OTUB1: variants seen among roughly 807,000 people sequenced by gnomAD.
The protein encoded by OTUB1 is OTU deubiquitinase, ubiquitin aldehyde binding 1.
OTUB1 carries 10 observed loss-of-function variants against 35.8 expected under a neutral mutation model. The observed-to-expected ratio is 0.28, with a 90% CI of 0.17 to 0.47. OTUB1 has a LOEUF of 0.47. Among genes scored for constraint, OTUB1 ranks in the 20% least tolerant of loss-of-function variants. The probability of loss-of-function intolerance (pLI) is 0.99; values close to 1 mark genes in which losing one functional copy is unlikely to be tolerated. For synonymous variants in OTUB1, 158 were observed against 143.8 expected (o/e 1.10, Z -0.71); for missense variants, 264 against 351.6 (o/e 0.75, Z 1.99).
intron 3 of OTUB1, 181 bp downstream of exon 3, chr11:63,988,933 G>C: frequency 1.8e-6 from 1 of 560,844 alleles, no homozygotes; most frequent in Non-Finnish European, 3.2e-6. Context: ...TTCAATGCTT[G>C]AACCTGGGAG....
intron 3 of OTUB1, among the ~76,000 whole-genome samples, chr11:63,992,085 C>T (rs775826821): frequency 3.3e-5 from 5 of 152,000 alleles, no homozygotes; most frequent in Non-Finnish European, 7.4e-5. Context: ...GGTGTGGTGG[C>T]GCATCCCTGT....
chr11:63,995,485 C>T (rs1021448151), intron 3 of OTUB1, among the ~76,000 whole-genome samples: 2 of 152,102 alleles, frequency 1.3e-5, no homozygotes, highest in Non-Finnish European at 2.9e-5. Flanking sequence ...CGTGAGCCAT[C>T]GCGCCCAGCC....
chr11:63,991,026 G>A (rs566143227), intron 3 of OTUB1, among the ~76,000 whole-genome samples: 1 of 152,196 alleles, frequency 6.6e-6, no homozygotes, highest in Admixed American at 6.5e-5. Flanking sequence ...TGTGCACTGT[G>A]ATCTACTGAG....
At chr11:63,986,552 G>C (rs748482329) in intron 1 of OTUB1, 38 bp downstream of exon 1, 21 of 1,513,454 alleles carry the variant, frequency 1.4e-5, no homozygotes, top group Non-Finnish European at 1.9e-5. Flanking sequence ...CCGGGCTAGT[G>C]GGGGCGATGC....
At position 63,997,107 on chromosome 11, in the gene OTUB1, T is replaced by G. The variant is rs1398390824; in HGVS notation, c.481T>G (p.Ser161Ala). 1.9e-6 allele frequency: 3 copies of G among 1,614,088 alleles called. No homozygotes were observed. Among genetic ancestry groups the G allele is most frequent in the Non-Finnish European group, 1.7e-6 (2 of 1,180,046 alleles). The change falls in exon 6 of 7, where the codon TCC (serine) becomes GCC (alanine). Residue 161 changes from serine (S) to alanine (A), a missense_variant. Transcript: ENST00000538426. Reference sequence around the variant, plus strand: ...GACCTCTGTCGCCGACCTGCTGGCCTCCTTCAATGACCAGAGCACCTCCGA... The same window carrying G: ...GACCTCTGTCGCCGACCTGCTGGCCGCCTTCAATGACCAGAGCACCTCCGA... ...KQTSVADLLASFNDQSTSDYL... is the reference protein window; with the variant it reads ...KQTSVADLLAAFNDQSTSDYL...
chr11:63,986,942 A>T (rs1323721220), intron 1 of OTUB1: 2 of 174,914 alleles, frequency 1.1e-5, no homozygotes, highest in Non-Finnish European at 2.4e-5. Flanking sequence ...TGGGCTACGG[A>T]GCACAAAGGT....
In OTUB1 at chr11:63,992,383, C is replaced by T. The variant is rs375827502; in HGVS notation, c.219+3631C>T. On this transcript the variant is annotated intron_variant, in intron 3 of 6. Coordinates refer to ENST00000538426, the MANE Select transcript of OTUB1 (RefSeq NM_017670.3). ...ACCCAGGCCCGAGGCGAGAGGGCAC[C>T]TGGATGGTTTGAGGCCAGCATGGAG... is the stretch of plus-strand genomic sequence containing the variant. Among the ~76,000 whole-genome samples the T allele has an allele frequency of 2.2e-5, 3 of 134,920 alleles. No individual in the cohort carries two copies. In the South Asian group the frequency reaches 7.6e-4, roughly 34 times the overall value. The allele number at this position is 134,920 out of a possible 152,430, so 88.5% of individuals were successfully genotyped here.
Position 63,996,893 on chromosome 11 carries a change from G to A in OTUB1, c.375G>A (p.Leu125=). Residue 125 remains leucine, a synonymous_variant, in exon 5 of 7, where the codon CTG becomes CTA. Coordinates refer to ENST00000538426, the MANE Select transcript of OTUB1 (RefSeq NM_017670.3). ...TGTCTGCCAAGAGCAAGGAAGACCT[G>A]GTGTCCCAGGGCTTCACTGAATTCA... ...KAVSAKSKED[L]VSQGFTEFTI... 1.9e-6 allele frequency: 3 copies of A among 1,614,140 alleles called. No individual in the cohort carries two copies. Among genetic ancestry groups the A allele is most frequent in the Non-Finnish European group, 2.5e-6 (3 of 1,179,970 alleles).
intron 4 of OTUB1, 75 bp downstream of exon 4, chr11:63,996,723 AG>A: frequency 6.2e-7 from 1 of 1,612,612 alleles, no homozygotes; most frequent in South Asian, 1.1e-5. Context: ...ATGTGTCTCG[AG>A]TAGGGTGTCT....
Position 63,996,627 on chromosome 11 carries a change from A to G in OTUB1, c.317A>G (p.Asp106Gly). 1 of 1,614,218 alleles carries G rather than the reference A, an allele frequency of 6.2e-7. No individual in the cohort carries two copies. Among genetic ancestry groups the G allele is most frequent in the Non-Finnish European group, 8.5e-7 (1 of 1,180,036 alleles). ...TTCTCCCACTTGGAGGCACTGCTGG[A>G]TGACAGCAAGGAGTTGCAGCGGTGA... ...FGFSHLEALL[D>G]DSKELQRFKA... Residue 106 changes from aspartate (D) to glycine (G), a missense_variant, in exon 4 of 7, where the codon GAT becomes GGT. This residue lies in a region of OTUB1 where 214 missense variants were observed against 317.1 expected (regional missense o/e 0.67). Transcript: ENST00000538426.
At chr11:63,989,775 C>T (rs1046974973) in intron 3 of OTUB1, 42 of 150,516 alleles carry the variant, frequency 2.8e-4, no homozygotes, top group African/African-American at 9.8e-4. Flanking sequence ...CTTGTAATCC[C>T]AGCACTTTGG....
Position 63,997,283 on chromosome 11 carries a change from G to A in OTUB1, c.618+39G>A, listed in dbSNP as rs80057132. 1.7e-3 allele frequency: 2,662 copies of A among 1,611,270 alleles called. 41 individuals are homozygous for A. In the African/African-American group the frequency reaches 0.021, roughly 13 times the overall value. ...CCCCTTTACTCTCGGCCGGGGGAGTGCAGTGGGCCCACAGGGCCTGGGGCG... is the reference window on the plus strand; with the variant it reads ...CCCCTTTACTCTCGGCCGGGGGAGTACAGTGGGCCCACAGGGCCTGGGGCG... On this transcript the variant is annotated intron_variant, in intron 6 of 6. Coordinates refer to ENST00000538426, the MANE Select transcript of OTUB1 (RefSeq NM_017670.3).
In OTUB1 at chr11:63,988,698, G is replaced by A. The variant is rs752889774; in HGVS notation, c.165G>A (p.Ser55=). Residue 55 remains serine (S), a synonymous_variant, in exon 3 of 7, where the codon TCG becomes TCA. Transcript: ENST00000538426. ...NPLVSERLEL[S]VLYKEYAEDD... ...TGGTGTCAGAGCGGCTGGAGCTCTCGGTCCTATACAAGGAGTATGCTGAAG... is the reference window on the plus strand; with the variant it reads ...TGGTGTCAGAGCGGCTGGAGCTCTCAGTCCTATACAAGGAGTATGCTGAAG... The A allele has an allele frequency of 5.6e-6, 9 of 1,613,236 alleles. No homozygotes were observed. Among genetic ancestry groups the A allele is most frequent in the Admixed American group, 3.3e-5 (2 of 59,992 alleles).
chr11:63,995,893 G>C (rs1942712261), intron 3 of OTUB1, among the ~76,000 whole-genome samples: 1 of 152,146 alleles, frequency 6.6e-6, no homozygotes. Flanking sequence ...TGTAATCCCA[G>C]CTACTTGGGA....
chr11:63,995,345 C>CCT (rs1942707213), intron 3 of OTUB1, among the ~76,000 whole-genome samples: 1 of 152,158 alleles, frequency 6.6e-6, no homozygotes, highest in Non-Finnish European at 1.5e-5. Context: ...TACAGGCATG[C>CCT]ACCACCATGC....
At position 63,997,756 on chromosome 11, in the gene OTUB1, C is replaced by T; in HGVS notation, c.*210C>T. On this transcript the variant is annotated 3_prime_UTR_variant, in exon 7 of 7. Coordinates refer to ENST00000538426, the MANE Select transcript of OTUB1 (RefSeq NM_017670.3). ...CCCGCCTGGCTGCTCTGTCTGCTGC[C>T]CCCTCCCCCCAGGTGGGTCCCCCTG... The T allele has an allele frequency of 1.4e-6, 1 of 702,238 alleles. No homozygotes were observed. The highest frequency in any genetic ancestry group is 3.0e-4 in the Middle Eastern group (1 of 3,336). The allele number at this position is 702,238 out of a possible 1,614,324, so 43.5% of individuals were successfully genotyped here.
chr11:63,995,110 C>A (rs1590781551), intron 3 of OTUB1, among the ~76,000 whole-genome samples: 1 of 152,136 alleles, frequency 6.6e-6, no homozygotes, highest in South Asian at 2.1e-4. Flanking sequence ...TCACAGCTCA[C>A]TGTAGCCTCG....
chr11:63,992,492 A>G (rs1241640127), intron 3 of OTUB1, among the ~76,000 whole-genome samples: 1 of 151,154 alleles, frequency 6.6e-6, no homozygotes. Context: ...GGCGAGAGAA[A>G]GGACTCTGAG....
At chr11:63,997,279 G>C in intron 6 of OTUB1, 35 bp downstream of exon 6, 1 of 1,611,284 alleles carries the variant, frequency 6.2e-7, no homozygotes, top group Non-Finnish European at 8.5e-7. Context: ...TCGGCCGGGG[G>C]AGTGCAGTGG....
Sources: gnomAD v4.1 joint callset for allele counts (sites outside exome capture counted in the v4.1 genomes callset) on GRCh38, gnomAD v4.1.1 for gene constraint, gnomAD v4.1.1 regional missense constraint, MANE v1.5 for transcripts, NCBI Gene and HGNC (gene_info 2026-07-23, HGNC 2026-07-21) for gene names.